The following ABI1 variants were observed in gnomAD, a reference collection of about 807,000 sequenced individuals.
ABI1 encodes the protein abl interactor 1.
Under a neutral mutation model 54.6 loss-of-function variants are expected in ABI1, and 14 were observed. The observed-to-expected ratio is 0.26, with a 90% CI of 0.17 to 0.40. The LOEUF (loss-of-function observed/expected upper bound fraction) is 0.40. Among genes scored for constraint, ABI1 ranks in the 10% least tolerant of loss-of-function variants. ABI1 has a pLI of 1.00. For missense variants in ABI1, 443 were observed against 598.3 expected, an observed-to-expected ratio of 0.74 and a Z score of 2.71; for synonymous variants, 194 against 209.3, an observed-to-expected ratio of 0.93 and a Z score of 0.63.
intron 2 of ABI1, 92 bp from the exon 3 acceptor site, chr10:26,777,333 A>T: frequency 9.0e-6 from 8 of 892,286 alleles, no homozygotes; most frequent in Non-Finnish European, 1.3e-5. Context: ...GACAGACCAC[A>T]GGGCTGTACA....
intron 2 of ABI1, among the ~76,000 whole-genome samples, chr10:26,780,964 T>C (rs1412510114): frequency 6.6e-6 from 1 of 152,168 alleles, no homozygotes; most frequent in Admixed American, 6.5e-5. Context: ...GTGGTATTGA[T>C]ATTTTACAGG....
intron 1 of ABI1, among the ~76,000 whole-genome samples, chr10:26,853,324 CT>C (rs1178849266): frequency 6.9e-6 from 1 of 145,678 alleles, no homozygotes; most frequent in Non-Finnish European, 1.5e-5. Flanking sequence ...AAAAAAATCC[CT>C]TTTTTCTAAC....
intron 2 of ABI1, among the ~76,000 whole-genome samples, chr10:26,782,397 C>A (rs1379275708): frequency 6.6e-6 from 1 of 151,908 alleles, no homozygotes; most frequent in Non-Finnish European, 1.5e-5. Flanking sequence ...CAAAAATGGG[C>A]AAAAGACTTG....
chr10:26,808,179 A>G (rs2046995030), intron 2 of ABI1, among the ~76,000 whole-genome samples: 1 of 152,218 alleles, frequency 6.6e-6, no homozygotes, highest in Non-Finnish European at 1.5e-5. Context: ...TCGGTCTGCT[A>G]TTAGTTGTTC....
chr10:26,765,863 C>G (rs1169632946), intron 6 of ABI1, among the ~76,000 whole-genome samples: 2 of 152,206 alleles, frequency 1.3e-5, no homozygotes, highest in Non-Finnish European at 2.9e-5. Flanking sequence ...TAACACAGTA[C>G]TTAAAACCAT....
chr10:26,821,663 G>A (rs2047992400), intron 2 of ABI1, among the ~76,000 whole-genome samples: 1 of 152,092 alleles, frequency 6.6e-6, no homozygotes, highest in African/African-American at 2.4e-5. Flanking sequence ...GCCAGGCGTG[G>A]TGGCGAGCGC....
At chr10:26,849,319 A>G (rs917268329) in intron 1 of ABI1, among the ~76,000 whole-genome samples, 1 of 152,236 alleles carries the variant, frequency 6.6e-6, no homozygotes, top group African/African-American at 2.4e-5. Context: ...ACAGAAAAAA[A>G]AAGAAAAAGG....
chr10:26,807,865 A>G (rs1220512130), intron 2 of ABI1, among the ~76,000 whole-genome samples: 1 of 152,012 alleles, frequency 6.6e-6, no homozygotes, highest in Non-Finnish European at 1.5e-5. Context: ...GCCAAGGTGG[A>G]TGGATCACTT....
intron 2 of ABI1, among the ~76,000 whole-genome samples, chr10:26,782,939 A>G (rs909335330): frequency 6.6e-6 from 1 of 152,182 alleles, no homozygotes; most frequent in African/African-American, 2.4e-5. Flanking sequence ...TCACAAAATT[A>G]AAAACAGAAT....
chr10:26,826,670 G>C (rs1013835399), intron 1 of ABI1, among the ~76,000 whole-genome samples: 1 of 152,146 alleles, frequency 6.6e-6, no homozygotes, highest in African/African-American at 2.4e-5. Flanking sequence ...AGCAACCTTC[G>C]ATAATCTTAG....
intron 1 of ABI1, among the ~76,000 whole-genome samples, chr10:26,854,451 A>AT (rs2050654286): frequency 1.6e-5 from 2 of 126,484 alleles, no homozygotes; most frequent in Non-Finnish European, 1.6e-5. Flanking sequence ...GTGTGAAAGA[A>AT]GAAAAAAAAA....
At chr10:26,842,681 GT>G (rs2049615345) in intron 1 of ABI1, among the ~76,000 whole-genome samples, 1 of 152,078 alleles carries the variant, frequency 6.6e-6, no homozygotes, top group Admixed American at 6.6e-5. Flanking sequence ...AAAAATCAGG[GT>G]TTTACCATAT....
intron 1 of ABI1, among the ~76,000 whole-genome samples, chr10:26,823,903 T>G (rs2048142781): frequency 6.6e-6 from 1 of 151,004 alleles, no homozygotes; most frequent in African/African-American, 2.4e-5. Flanking sequence ...TGTAGGTGGG[T>G]AAGAAGGGGA....
intron 8 of ABI1, among the ~76,000 whole-genome samples, chr10:26,758,687 G>T (rs1193997938): frequency 6.6e-6 from 1 of 152,176 alleles, no homozygotes; most frequent in African/African-American, 2.4e-5. Context: ...GACAATGTTT[G>T]TGTCTTTAAT....
intron 5 of ABI1, among the ~76,000 whole-genome samples, chr10:26,769,656 T>C (rs926329270): frequency 2.6e-5 from 4 of 152,218 alleles, no homozygotes; most frequent in Admixed American, 2.0e-4. Flanking sequence ...CTATATTTAG[T>C]ACACTGAGAA....
At chr10:26,847,104 A>G (rs151242420) in intron 1 of ABI1, among the ~76,000 whole-genome samples, 2 of 152,328 alleles carry the variant, frequency 1.3e-5, no homozygotes, top group African/African-American at 4.8e-5. Flanking sequence ...AAAGTCGCAG[A>G]ATAACTGAGT....
chr10:26,782,665 G>A (rs1026211094), intron 2 of ABI1, among the ~76,000 whole-genome samples: 4 of 150,660 alleles, frequency 2.7e-5, no homozygotes, highest in Admixed American at 1.3e-4. Flanking sequence ...AGAGGCTGCA[G>A]TGAGCTGAGA....
chr10:26,818,578 G>A (rs529100857), intron 2 of ABI1, among the ~76,000 whole-genome samples: 124 of 142,382 alleles, frequency 8.7e-4, no homozygotes, highest in African/African-American at 3.4e-3. Context: ...GTTGCAGTGA[G>A]GCAAGATCAC....
intron 3 of ABI1, among the ~76,000 whole-genome samples, chr10:26,772,894 G>A (rs1239242037): frequency 2.0e-5 from 3 of 151,244 alleles, no homozygotes; most frequent in Admixed American, 1.3e-4. Flanking sequence ...GCAACAAGGC[G>A]AAACCCCTTC....
Sources: allele counts gnomAD v4.1 joint callset (sites outside exome capture counted in the v4.1 genomes callset), GRCh38; gene constraint gnomAD v4.1.1; transcripts MANE v1.5; gene names NCBI Gene and HGNC (gene_info 2026-07-23, HGNC 2026-07-21).